Variants in MROH7 observed in about 807,000 individuals in gnomAD.
MROH7 encodes the protein maestro heat-like repeat-containing protein family member 7.
In MROH7, 113 loss-of-function variants were observed where a neutral mutation model predicts 129.2. The ratio of observed to expected loss-of-function variants is 0.87; its 90% CI spans 0.75 to 1.02. The LOEUF is 1.02. Among genes scored for constraint, MROH7 ranks in the 50% least tolerant of loss-of-function variants. MROH7 has a pLI of 0.00. For synonymous variants in MROH7, 655 were observed against 667.9 expected (o/e 0.98, Z 0.30); for missense variants, 1,601 against 1,671.3 (o/e 0.96, Z 0.73).
intron 3 of MROH7, among the ~76,000 whole-genome samples, chr1:54,662,760 C>T (rs1169475442): frequency 6.6e-6 from 1 of 152,186 alleles, no homozygotes; most frequent in Non-Finnish European, 1.5e-5. Context: ...GTAATGTTCT[C>T]TACAGCAAGA....
At chr1:54,709,878 G>T in intron 23 of MROH7, 68 bp from the exon 24 acceptor site, 1 of 1,563,370 alleles carries the variant, frequency 6.4e-7, no homozygotes, top group Non-Finnish European at 8.7e-7. Context: ...AGATGGGAAG[G>T]ATTAGGTATG....
intron 3 of MROH7, among the ~76,000 whole-genome samples, chr1:54,663,142 G>A (rs1220054720): frequency 2.0e-5 from 3 of 152,014 alleles, no homozygotes; most frequent in Admixed American, 2.0e-4. Context: ...GTGTGGTCAG[G>A]TACTTTGAAA....
At chr1:54,706,211 G>T (rs898179301) in intron 21 of MROH7, among the ~76,000 whole-genome samples, 2 of 152,040 alleles carry the variant, frequency 1.3e-5, no homozygotes, top group African/African-American at 4.8e-5. Flanking sequence ...CTGCAGCAGG[G>T]GGGTAAATTG....
chr1:54,676,209 C>CT (rs35440129), intron 10 of MROH7, among the ~76,000 whole-genome samples: 42 of 151,994 alleles, frequency 2.8e-4, no homozygotes, highest in African/African-American at 9.9e-4. Context: ...TTATTTTTTT[C>CT]TTTTTTTAGC....
chr1:54,649,069 G>C lies in MROH7; in HGVS notation c.-109-2880G>C, dbSNP rs541212157. Among the ~76,000 whole-genome samples the C allele has an allele frequency of 1.4e-4, 21 of 152,282 alleles. No homozygotes were observed. The South Asian group carries it at 4.3e-3, about 32-fold the overall frequency. The stretch of plus-strand genomic sequence containing the variant: ...AGCTGTTCTGTGTGTGCAAATGTGT[G>C]TGAGTGTATAGGTACTTGCACAAGT... On this transcript the variant is annotated intron_variant, in intron 1 of 23. Transcript: ENST00000421030.
chr1:54,673,283 T>A, intron 8 of MROH7, 97 bp downstream of exon 8: 1 of 910,252 alleles, frequency 1.1e-6, no homozygotes, highest in Non-Finnish European at 1.7e-6. Context: ...TAGGAGTGAT[T>A]TGGCTTCAGG....
At chr1:54,699,177 T>TTC (rs1645387986) in intron 17 of MROH7, 1 of 134,936 alleles carries the variant, frequency 7.4e-6, no homozygotes, top group African/African-American at 2.8e-5. Flanking sequence ...CTTTCTTTCT[T>TTC]TCTTTCTTTC....
intron 10 of MROH7, among the ~76,000 whole-genome samples, chr1:54,677,469 A>G (rs1364673963): frequency 6.6e-6 from 1 of 152,220 alleles, no homozygotes; most frequent in Non-Finnish European, 1.5e-5. Context: ...TGTGGGGACT[A>G]CAGGCGTGAG....
At chr1:54,647,926 A>G (rs1444126545) in intron 1 of MROH7, among the ~76,000 whole-genome samples, 1 of 146,662 alleles carries the variant, frequency 6.8e-6, no homozygotes, top group Non-Finnish European at 1.5e-5. Context: ...AAAAAAAAAA[A>G]AGAATGTGGG....
In MROH7 at chr1:54,670,475, C is replaced by T. The variant is rs200883893; in HGVS notation, c.1390-22C>T. On this transcript the variant is annotated intron_variant, in intron 5 of 23. Coordinates refer to ENST00000421030, the MANE Select transcript of MROH7 (RefSeq NM_001039464.4). ...CTGCAGTAGCCCTGTCCTCATCGGC[C>T]CTTCTGTGGCCCCCTGTCCAGAGGC... 7,001 of 1,611,102 alleles carry T rather than the reference C, an allele frequency of 4.3e-3. 17 individuals carry two copies. The highest frequency in any genetic ancestry group is 5.3e-3 in the Non-Finnish European group (6,214 of 1,178,054).
At chr1:54,684,808 T>C (rs1348101165) in intron 14 of MROH7, among the ~76,000 whole-genome samples, 3 of 152,228 alleles carry the variant, frequency 2.0e-5, no homozygotes, top group African/African-American at 7.2e-5. Flanking sequence ...TGATAACTCC[T>C]GCATTGTCTA....
intron 5 of MROH7, 44 bp from the exon 6 acceptor site, chr1:54,670,453 C>A (rs769779185): frequency 1.9e-6 from 3 of 1,573,000 alleles, no homozygotes; most frequent in Non-Finnish European, 2.6e-6. Context: ...TGGTGGCCTG[C>A]AGTAGCCCTG....
chr1:54,701,081 G>A (rs1645427171), intron 18 of MROH7, 62 bp from the exon 19 acceptor site: 4 of 1,555,028 alleles, frequency 2.6e-6, no homozygotes, highest in Non-Finnish European at 2.6e-6. Context: ...ATCAGAGGCT[G>A]GGTCTCTTCC....
chr1:54,681,706 CT>C (rs1369469451), intron 13 of MROH7, among the ~76,000 whole-genome samples: 1 of 152,156 alleles, frequency 6.6e-6, no homozygotes, highest in African/African-American at 2.4e-5. Context: ...GGTGCAGATG[CT>C]TTTCCTTGCC....
In MROH7 at chr1:54,677,880, C is replaced by T. The variant is rs774683269; in HGVS notation, c.1937-862C>T. Among the ~76,000 whole-genome samples the T allele has an allele frequency of 1.7e-3, 264 of 151,988 alleles. 2 individuals are homozygous for T. The highest frequency in any genetic ancestry group is 1.9e-3 in the Non-Finnish European group (127 of 67,978). ...TTTGGTGAGAGTACCTTCTCGTTGT[C>T]GGGAGATAAGATAGTAAACAAAATA... On this transcript the variant is annotated intron_variant, in intron 10 of 23. Transcript: ENST00000421030.
intron 1 of MROH7, among the ~76,000 whole-genome samples, chr1:54,647,596 C>T (rs560277180): frequency 2.0e-5 from 3 of 152,044 alleles, no homozygotes; most frequent in East Asian, 1.9e-4. Context: ...AAAAATTAGC[C>T]GGGTGTGGTG....
At chr1:54,680,733 G>C (rs1456720474) in intron 13 of MROH7, among the ~76,000 whole-genome samples, 2 of 152,158 alleles carry the variant, frequency 1.3e-5, no homozygotes, top group Non-Finnish European at 2.9e-5. Context: ...CTTTGAATGA[G>C]TAAAACAAGG....
chr1:54,678,980 G>A (rs1383478352), intron 11 of MROH7, 126 bp downstream of exon 11: 8 of 778,332 alleles, frequency 1.0e-5, no homozygotes, highest in Admixed American at 2.2e-5. Context: ...AGCCACCCAC[G>A]CCTGTCCTGA....
rs868817022 is a variant in MROH7 at position 54,668,890 on chromosome 1, C to T, written c.1342C>T (p.Leu448=). The T allele has an allele frequency of 7.4e-6, 12 of 1,613,796 alleles. No individual in the cohort carries two copies. Among genetic ancestry groups the T allele is most frequent in the Non-Finnish European group, 1.0e-5 (12 of 1,179,934 alleles). Residue 448 remains leucine, a synonymous_variant, in exon 5 of 24, where the codon CTG becomes TTG. Transcript: ENST00000421030. ...NVTTLQKSQD[L]LEAEGEKKTM... ...CACCACCCTTCAGAAGAGCCAGGAT[C>T]TGCTGGAGGCAGAAGGAGAAAAGAA...
Sources: gnomAD v4.1 joint callset for allele counts (sites outside exome capture counted in the v4.1 genomes callset) on GRCh38, gnomAD v4.1.1 for gene constraint, MANE v1.5 for transcripts, NCBI Gene and HGNC (gene_info 2026-07-23, HGNC 2026-07-21) for gene names.